The following CILK1 variants were observed in gnomAD, a reference collection of about 807,000 sequenced individuals.
CILK1 encodes the protein serine/threonine-protein kinase ICK.
A neutral mutation model predicts 79.2 loss-of-function variants in CILK1; 47 were observed. That is an observed-to-expected ratio of 0.59 (90% CI 0.47 to 0.76). The LOEUF is 0.76. Ranked by LOEUF, CILK1 falls within the 30% of genes least tolerant of loss-of-function variation. The pLI is 0.00. For synonymous variants in CILK1, 266 were observed against 275.9 expected, an observed-to-expected ratio of 0.96 and a Z score of 0.36; for missense variants, 660 against 769.5, an observed-to-expected ratio of 0.86 and a Z score of 1.68.
At chr6:53,046,498 G>C (rs1039056426) in intron 1 of CILK1, among the ~76,000 whole-genome samples, 24 of 152,108 alleles carry the variant, frequency 1.6e-4, no homozygotes, top group African/African-American at 5.3e-4. Context: ...TCAATGCACA[G>C]TCACCCCAAC....
chr6:53,037,502 G>C (rs1239817036), intron 3 of CILK1, among the ~76,000 whole-genome samples: 1 of 152,104 alleles, frequency 6.6e-6, no homozygotes, highest in Admixed American at 6.5e-5. Context: ...CCCAGTGCTG[G>C]TAAGTCTGTG....
At chr6:53,016,938 GTTCA>G (rs1202163830) in intron 7 of CILK1, among the ~76,000 whole-genome samples, 1 of 152,148 alleles carries the variant, frequency 6.6e-6, no homozygotes, top group African/African-American at 2.4e-5. Context: ...AGCTTTTATC[GTTCA>G]TTCACTTGAC....
chr6:53,030,030 GC>G (rs1765833482), intron 5 of CILK1, among the ~76,000 whole-genome samples: 1 of 152,192 alleles, frequency 6.6e-6, no homozygotes, highest in Non-Finnish European at 1.5e-5. Context: ...GTAACAACAA[GC>G]AGCAATACTC....
intron 3 of CILK1, among the ~76,000 whole-genome samples, chr6:53,035,259 T>A (rs987153867): frequency 3.9e-5 from 6 of 152,080 alleles, no homozygotes; most frequent in Admixed American, 3.3e-4. Context: ...GGCTTGGGAC[T>A]TTTTTGGGTT....
At chr6:53,059,379 G>A (rs569071895) in intron 1 of CILK1, among the ~76,000 whole-genome samples, 1 of 152,206 alleles carries the variant, frequency 6.6e-6, no homozygotes, top group East Asian at 1.9e-4. Flanking sequence ...ATATGGCTCC[G>A]GCCCTAAAGA....
intron 6 of CILK1, 137 bp downstream of exon 6, chr6:53,019,090 A>G (rs1765064543): frequency 1.3e-6 from 1 of 794,634 alleles, no homozygotes. Flanking sequence ...TTACCAACAT[A>G]TCTATAAATA....
At chr6:53,008,249 C>T (rs1764351892) in intron 12 of CILK1, among the ~76,000 whole-genome samples, 1 of 151,290 alleles carries the variant, frequency 6.6e-6, no homozygotes, top group African/African-American at 2.4e-5. Context: ...TATTAAAATG[C>T]ATGAAGCAGT....
intron 1 of CILK1, 35 bp downstream of exon 1, chr6:53,061,561 C>G (rs1768464076): frequency 6.6e-6 from 1 of 152,374 alleles, no homozygotes; most frequent in African/African-American, 2.4e-5. Context: ...ACAGGTCGCC[C>G]GGCAGAAGCC....
At chr6:53,037,909 T>C (rs1231067415) in intron 3 of CILK1, 30 bp downstream of exon 3, 1 of 1,272,010 alleles carries the variant, frequency 7.9e-7, no homozygotes, top group East Asian at 2.3e-5. Context: ...TAATCATCCA[T>C]AAATTATTCC....
intron 5 of CILK1, among the ~76,000 whole-genome samples, chr6:53,029,894 G>A (rs1765822321): frequency 6.6e-6 from 1 of 152,182 alleles, no homozygotes; most frequent in East Asian, 1.9e-4. Context: ...CCATCTGTCT[G>A]TATATTACAA....
chr6:53,054,426 C>T (rs762849468), intron 1 of CILK1: 1 of 152,372 alleles, frequency 6.6e-6, no homozygotes, highest in South Asian at 2.1e-4. Context: ...GAGTTTTAGT[C>T]TTTGCTATTA....
rs758516555 is a variant in CILK1 at position 53,031,066 on chromosome 6, G to A, written c.357C>T (p.His119=). The A allele has an allele frequency of 1.6e-5, 25 of 1,581,436 alleles. No homozygotes were observed. Among genetic ancestry groups the A allele is most frequent in the South Asian group, 2.2e-5 (2 of 90,410 alleles). Residue 119 remains histidine (H), a splice_region_variant and synonymous_variant, in exon 5 of 14, where the codon CAC becomes CAT. Transcript: ENST00000676107. ...AGCACAACACTCCGAATCACCTACC[G>A]TGTTTGTGAATAAATGCGAGTCCTT... The part of the protein sequence containing the change: ...ILQGLAFIHK[H]GFFHRDLKPE...
At chr6:53,049,137 T>C (rs1363531154) in intron 1 of CILK1, among the ~76,000 whole-genome samples, 1 of 152,236 alleles carries the variant, frequency 6.6e-6, no homozygotes, top group Non-Finnish European at 1.5e-5. Context: ...TATATGCCTT[T>C]GGGCTTATTG....
In CILK1 at chr6:53,013,702, G is replaced by A. The variant is rs781410240; in HGVS notation, c.1112C>T (p.Pro371Leu). ...GTTGTGGAGGGATGGGAAAAGCAAC[G>A]GGCTTGGCTTGTCCTCCTGGAGATG... is the stretch of plus-strand genomic sequence containing the variant. ...PSHLQEDKPS[P>L]LLFPSLHNKH... Residue 371 changes from proline to leucine, a missense_variant, in exon 9 of 14, where the codon CCG becomes CTG. By Grantham distance (98) the Pro-to-Leu change is moderately conservative. Transcript: ENST00000676107. 3.8e-6 allele frequency: 6 copies of A among 1,584,252 alleles called. No individual in the cohort carries two copies. The highest frequency in any genetic ancestry group is 5.2e-6 in the Non-Finnish European group (6 of 1,154,100).
Position 53,011,810 on chromosome 6 carries a change from GCAGATCT to G in CILK1, c.1444_1450del (p.Arg482GlnfsTer7). 1.2e-6 allele frequency: 2 copies of G among 1,614,164 alleles called. No homozygotes were observed. Among genetic ancestry groups the G allele is most frequent in the Non-Finnish European group, 1.7e-6 (2 of 1,180,012 alleles). ...GTGCTTCAAATAGTGCTGCTTGGCT[GCAGATCT>G]CAGGGTGGGCGTGTCTCGCCGCTGA... On this transcript the variant is annotated frameshift_variant, in exon 11 of 14. Coordinates refer to ENST00000676107, the MANE Select transcript of CILK1 (RefSeq NM_014920.5). LOFTEE classifies it high-confidence loss of function.
intron 7 of CILK1, 71 bp from the exon 8 acceptor site, chr6:53,016,321 G>T (rs1262689470): frequency 3.9e-6 from 6 of 1,519,562 alleles, no homozygotes; most frequent in Non-Finnish European, 4.6e-6. Context: ...TCTGGCATGT[G>T]TGCCCCAAAT....
intron 5 of CILK1, among the ~76,000 whole-genome samples, chr6:53,030,431 G>A (rs555470865): frequency 2.6e-5 from 4 of 152,132 alleles, no homozygotes; most frequent in Admixed American, 2.6e-4. Flanking sequence ...TTTTACCTAT[G>A]TGTGTTGTAA....
chr6:53,016,112 C>A lies in CILK1; in HGVS notation c.802G>T (p.Asp268Tyr), dbSNP rs774191099. The stretch of plus-strand genomic sequence containing the variant: ...CTAGCTGTTGGTCGTTTCTTGGGAT[C>A]CCACTGAAGCATGTCTCTCAGGAGC... ...VQLLRDMLQW[D>Y]PKKRPTASQA... The change falls in exon 8 of 14, where the codon GAT becomes TAT. Residue 268 changes from aspartate (D) to tyrosine (Y), a missense_variant. Physicochemically the swap from Asp to Tyr is radical, Grantham distance 160. Transcript: ENST00000676107. 11 of 1,614,072 alleles carry A rather than the reference C, an allele frequency of 6.8e-6. No homozygotes were observed. The highest frequency in any genetic ancestry group is 8.5e-7 in the Non-Finnish European group (1 of 1,179,948).
chr6:53,054,291 G>A (rs938805906), intron 1 of CILK1, among the ~76,000 whole-genome samples: 3 of 152,116 alleles, frequency 2.0e-5, no homozygotes, highest in East Asian at 3.9e-4. Context: ...CCCCTTCCCC[G>A]TGGCAATGAC....
Sources: gnomAD v4.1 joint callset for allele counts (sites outside exome capture counted in the v4.1 genomes callset) on GRCh38, gnomAD v4.1.1 for gene constraint, MANE v1.5 for transcripts, NCBI Gene and HGNC (gene_info 2026-07-23, HGNC 2026-07-21) for gene names.